The following SHC3 variants were observed in gnomAD, a reference collection of about 807,000 sequenced individuals.
SHC3 encodes the protein SHC adaptor protein 3, also known as SHC-transforming protein 3.
Under a neutral mutation model 60.4 loss-of-function variants are expected in SHC3, and 15 were observed. That is an observed-to-expected ratio of 0.25 (90% CI 0.17 to 0.38). The LOEUF is 0.38. Among genes scored for constraint, SHC3 ranks in the 10% least tolerant of loss-of-function variants. The probability of loss-of-function intolerance (pLI) is 1.00; values close to 1 mark genes in which losing one functional copy is unlikely to be tolerated. For missense variants in SHC3, 677 were observed against 786.1 expected (o/e 0.86, Z 1.66); for synonymous variants, 294 against 325.9 (o/e 0.90, Z 1.05).
intron 9 of SHC3, among the ~76,000 whole-genome samples, chr9:89,043,677 G>T (rs1824727741): frequency 6.6e-6 from 1 of 151,398 alleles, no homozygotes; most frequent in Non-Finnish European, 1.5e-5. Flanking sequence ...TTTGAGGCAG[G>T]GTCTCATTCT....
chr9:89,083,279 A>G (rs1238856643), intron 2 of SHC3, among the ~76,000 whole-genome samples: 3 of 152,236 alleles, frequency 2.0e-5, no homozygotes, highest in Non-Finnish European at 4.4e-5. Context: ...TGGTCAGCAA[A>G]GAAGCCTCAA....
At chr9:89,104,673 C>A (rs1825830792) in intron 2 of SHC3, among the ~76,000 whole-genome samples, 1 of 152,174 alleles carries the variant, frequency 6.6e-6, no homozygotes, top group Non-Finnish European at 1.5e-5. Context: ...CTGTCACCAC[C>A]TTGAGCTAGG....
chr9:89,119,086 G>A (rs1055134854), intron 1 of SHC3, among the ~76,000 whole-genome samples: 1 of 152,186 alleles, frequency 6.6e-6, no homozygotes, highest in African/African-American at 2.4e-5. Flanking sequence ...GCCAAGCGCT[G>A]TTCAGTTTTG....
In SHC3 at chr9:89,006,867, G is replaced by A. The variant is rs1228957474; in HGVS notation, c.*6580C>T. On this transcript the variant is annotated 3_prime_UTR_variant, in exon 12 of 12. Transcript: ENST00000375835. Reference sequence around the variant, plus strand: ...AAGACGGATTTATCCATTAATGCCTGTTTTAATTGTCACTTGATTTTGATG... The same window carrying A: ...AAGACGGATTTATCCATTAATGCCTATTTTAATTGTCACTTGATTTTGATG... 6.6e-6 allele frequency: 1 copy of A among 152,188 alleles called. No homozygotes were observed. Among genetic ancestry groups the A allele is most frequent in the African/African-American group, 2.4e-5 (1 of 41,436 alleles). 9.4% of individuals were successfully genotyped at this position (152,188 alleles called of 1,614,324 possible).
At chr9:89,097,114 A>G (rs1371894164) in intron 2 of SHC3, among the ~76,000 whole-genome samples, 155 of 5,730 alleles carry the variant, frequency 0.027, no homozygotes, top group African/African-American at 0.075. Context: ...ATGAAAAAAA[A>G]AAAAAAAAAA....
chr9:89,077,810 C>G, intron 3 of SHC3, 30 bp downstream of exon 3: 1 of 1,613,546 alleles, frequency 6.2e-7, no homozygotes, highest in Non-Finnish European at 8.5e-7. Context: ...AGAGGAGACA[C>G]AGTTAGACAC....
intron 6 of SHC3, among the ~76,000 whole-genome samples, chr9:89,059,531 AG>A (rs1408643208): frequency 3.5e-5 from 4 of 114,712 alleles, no homozygotes; most frequent in Non-Finnish European, 5.5e-5. Flanking sequence ...GGTGGAGGAC[AG>A]TGGTGTAGGA....
chr9:89,144,338 G>C (rs1036588139), intron 1 of SHC3, among the ~76,000 whole-genome samples: 2 of 152,218 alleles, frequency 1.3e-5, no homozygotes, highest in South Asian at 4.1e-4. Context: ...AGAAACTGAT[G>C]CCTAACAGGA....
At chr9:89,128,412 G>C (rs1424656453) in intron 1 of SHC3, among the ~76,000 whole-genome samples, 11 of 152,148 alleles carry the variant, frequency 7.2e-5, no homozygotes, top group Non-Finnish European at 1.5e-5. Context: ...GGTTCTCCCA[G>C]CACGGAGTTT....
chr9:89,108,917 C>A, intron 2 of SHC3: 1 of 412,144 alleles, frequency 2.4e-6, no homozygotes, highest in Non-Finnish European at 3.3e-6. Flanking sequence ...AAAATCTGAA[C>A]AAAAAATATT....
intron 2 of SHC3, among the ~76,000 whole-genome samples, chr9:89,085,112 C>A (rs950072166): frequency 6.6e-6 from 1 of 152,168 alleles, no homozygotes; most frequent in African/African-American, 2.4e-5. Flanking sequence ...CAAACTTGGC[C>A]CCAAAGCTTC....
chr9:89,146,297 C>T (rs1425995613), intron 1 of SHC3, among the ~76,000 whole-genome samples: 3 of 151,662 alleles, frequency 2.0e-5, no homozygotes, highest in African/African-American at 7.3e-5. Context: ...GCGGAGGTTG[C>T]AGTAAGCTGA....
intron 8 of SHC3, 95 bp from the exon 9 acceptor site, chr9:89,045,928 A>G (rs1305502800): frequency 1.2e-5 from 15 of 1,263,442 alleles, no homozygotes; most frequent in Non-Finnish European, 1.7e-5. Context: ...GTTGATCCTT[A>G]AGGTGGTTCG....
intron 2 of SHC3, among the ~76,000 whole-genome samples, chr9:89,086,663 C>A (rs368388027): frequency 7.9e-5 from 12 of 152,306 alleles, no homozygotes; most frequent in African/African-American, 2.9e-4. Flanking sequence ...CTTCTCCCCT[C>A]TCCAGAGATT....
intron 1 of SHC3, among the ~76,000 whole-genome samples, chr9:89,133,352 G>A (rs1826276430): frequency 6.6e-6 from 1 of 152,192 alleles, no homozygotes; most frequent in Non-Finnish European, 1.5e-5. Flanking sequence ...AGACACTGTG[G>A]CGATTCCTCA....
At chr9:89,099,415 C>A (rs1035846857) in intron 2 of SHC3, among the ~76,000 whole-genome samples, 1 of 152,166 alleles carries the variant, frequency 6.6e-6, no homozygotes, top group Non-Finnish European at 1.5e-5. Flanking sequence ...CACGTTTGTG[C>A]TTTTCTATGG....
intron 1 of SHC3, among the ~76,000 whole-genome samples, chr9:89,134,714 T>C (rs1048889730): frequency 2.8e-4 from 42 of 152,232 alleles, no homozygotes; most frequent in Middle Eastern, 3.4e-3. Flanking sequence ...CTATAGAATT[T>C]GACAGGTACT....
chr9:89,045,915 C>A (rs569769245), intron 8 of SHC3, 82 bp from the exon 9 acceptor site: 3 of 1,377,850 alleles, frequency 2.2e-6, no homozygotes, highest in South Asian at 1.2e-5. Flanking sequence ...AGACAGTCGG[C>A]GAGTTGATCC....
Position 89,131,177 on chromosome 9 carries a change from G to A in SHC3, c.475-18551C>T, listed in dbSNP as rs1162365241. Among the ~76,000 whole-genome samples, 3 of 152,104 alleles carry A rather than the reference G, an allele frequency of 2.0e-5. No homozygotes were observed. The East Asian group carries it at 5.8e-4, about 29-fold the overall frequency. On this transcript the variant is annotated intron_variant, in intron 1 of 11. Transcript: ENST00000375835. ...ATCTAGGAGAAATTGACAAATTCCTGGACACATACACCCTCCCAAGACTAA... is the reference window on the plus strand; with the variant it reads ...ATCTAGGAGAAATTGACAAATTCCTAGACACATACACCCTCCCAAGACTAA...
Sources: gnomAD v4.1 joint callset for allele counts (sites outside exome capture counted in the v4.1 genomes callset) on GRCh38, gnomAD v4.1.1 for gene constraint, MANE v1.5 for transcripts, NCBI Gene and HGNC (gene_info 2026-07-23, HGNC 2026-07-21) for gene names.